The following NPL variants were observed in gnomAD, a reference collection of about 807,000 sequenced individuals.
NPL encodes N-acetylneuraminate pyruvate lyase.
In NPL, 32 loss-of-function variants were observed where a neutral mutation model predicts 41.1. The observed-to-expected ratio is 0.78, with a 90% CI of 0.59 to 1.05. The LOEUF is 1.05. Ranked by LOEUF, NPL falls within the 50% of genes least tolerant of loss-of-function variation. The probability of loss-of-function intolerance (pLI) is 0.00; values close to 1 mark genes in which losing one functional copy is unlikely to be tolerated. For synonymous variants in NPL, 128 were observed against 134.9 expected (o/e 0.95, Z 0.35); for missense variants, 321 against 378.4 (o/e 0.85, Z 1.26).
chr1:182,822,631 T>C (rs1667520355), intron 11 of NPL, among the ~76,000 whole-genome samples: 1 of 152,140 alleles, frequency 6.6e-6, no homozygotes, highest in African/African-American at 2.4e-5. Flanking sequence ...CAGGTCAGTC[T>C]TGTCCACCCT....
At chr1:182,818,985 C>T (rs950396958) in intron 10 of NPL, 126 bp downstream of exon 10, 4 of 864,990 alleles carry the variant, frequency 4.6e-6, no homozygotes, top group African/African-American at 1.7e-5. Flanking sequence ...CCACATTCTT[C>T]CAGTGAAAGG....
At chr1:182,806,790 G>A (rs1349999745) in intron 5 of NPL, among the ~76,000 whole-genome samples, 1 of 152,168 alleles carries the variant, frequency 6.6e-6, no homozygotes, top group Non-Finnish European at 1.5e-5. Context: ...GAACAAACAG[G>A]ATAGTATCAG....
rs1667393858 is a variant in NPL at position 182,818,412 on chromosome 1, T to TATATA, written c.458-129_458-128insATATA. 5.2e-6 allele frequency: 6 copies of TATATA among 1,143,400 alleles called. No homozygotes were observed. In the South Asian group the frequency reaches 7.5e-5, roughly 14 times the overall value. 70.8% of individuals were successfully genotyped at this position (1,143,400 alleles called of 1,614,324 possible). A position where few individuals can be genotyped will look rare whatever the true frequency, so the allele number is the denominator to read the frequency against. ...GGAGCTGCTAGTCAGGGACCAGTGA[T>TATATA]TATGCCTAGTCTGCAGTCAGTTCTG... On this transcript the variant is annotated intron_variant, in intron 8 of 12. Coordinates refer to ENST00000367553, the MANE Select transcript of NPL (RefSeq NM_030769.3).
Position 182,816,730 on chromosome 1 carries a change from C to T in NPL, c.381C>T (p.Phe127=), listed in dbSNP as rs1128759. The T allele has an allele frequency of 0.024, 38,275 of 1,612,980 alleles. 2,774 individuals carry two copies. In the African/African-American group the frequency reaches 0.25, roughly 11 times the overall value. Residue 127 remains phenylalanine, a synonymous_variant, in exon 8 of 13, where the codon TTC becomes TTT. Coordinates refer to ENST00000367553, the MANE Select transcript of NPL (RefSeq NM_030769.3). ...KPWTKDILIN[F]LKEVAAAAPA... is the part of the protein sequence containing the mutation. ...TTCTTTCAGATATCCTGATTAATTT[C>T]CTAAAGGAAGTGGCTGCTGCCGCCC...
At position 182,806,371 on chromosome 1, in the gene NPL, C is replaced by G. The variant is rs376049976; in HGVS notation, c.230+139C>G. 1.9e-6 allele frequency: 3 copies of G among 1,549,144 alleles called. No homozygotes were observed. The Admixed American group carries it at 5.9e-5, about 30-fold the overall frequency. On this transcript the variant is annotated intron_variant, in intron 5 of 12. Coordinates refer to ENST00000367553, the MANE Select transcript of NPL (RefSeq NM_030769.3). ...AGCTGGTGGGAAGATGAGCAGGGCC[C>G]CCGGGATCCTGGCTTCTTGGAGAAG... is the stretch of plus-strand genomic sequence containing the variant.
chr1:182,806,023 C>T, intron 4 of NPL, 122 bp from the exon 5 acceptor site: 2 of 1,118,160 alleles, frequency 1.8e-6, no homozygotes, highest in Non-Finnish European at 2.7e-6. Context: ...AAAATGGAAA[C>T]ATGGCATTTT....
At position 182,828,530 on chromosome 1, in the gene NPL, G is replaced by A. The variant is rs769417066; in HGVS notation, c.779-194G>A. The stretch of plus-strand genomic sequence containing the variant: ...TGATCAACTTTTAAAATTTTCCAGC[G>A]TTCTGTGTTTGAAGCAGGAAGAGGG... On this transcript the variant is annotated intron_variant, in intron 12 of 12. Transcript: ENST00000367553. The surrounding 1 kb of genome is among the most constrained non-coding windows in gnomAD (Gnocchi z 4.0). Among the ~76,000 whole-genome samples the A allele has an allele frequency of 1.3e-5, 2 of 152,028 alleles. No individual in the cohort carries two copies. The highest frequency in any genetic ancestry group is 2.4e-5 in the African/African-American group (1 of 41,384).
At position 182,829,284 on chromosome 1, in the gene NPL, T is replaced by C. The variant is rs1667708427; in HGVS notation, c.*376T>C. 14 of 1,188,064 alleles carry C rather than the reference T, an allele frequency of 1.2e-5. No individual in the cohort carries two copies. In the South Asian group the frequency reaches 2.3e-4, roughly 20 times the overall value. The allele number at this position is 1,188,064 out of a possible 1,614,324, so 73.6% of individuals were successfully genotyped here. On this transcript the variant is annotated 3_prime_UTR_variant, in exon 13 of 13. Transcript: ENST00000367553. ...TCTAATTTTAAACCACTATAATATG[T>C]CTTCATTTTAATAAATATTCATTTG... is the stretch of plus-strand genomic sequence containing the variant.
At chr1:182,810,190 T>C (rs1352156090) in intron 5 of NPL, among the ~76,000 whole-genome samples, 1 of 152,206 alleles carries the variant, frequency 6.6e-6, no homozygotes. Context: ...CTGGGAAGAC[T>C]GCATTCACAG....
intron 3 of NPL, among the ~76,000 whole-genome samples, chr1:182,799,805 T>C (rs1297313162): frequency 1.3e-5 from 2 of 149,064 alleles, no homozygotes; most frequent in Non-Finnish European, 3.0e-5. Context: ...TCCCCAGGAA[T>C]TGAAATTAAG....
intron 11 of NPL, among the ~76,000 whole-genome samples, chr1:182,825,346 T>TA (rs972010666): frequency 6.6e-6 from 1 of 152,204 alleles, no homozygotes; most frequent in African/African-American, 2.4e-5. Flanking sequence ...AAACAGCACT[T>TA]ATGGAAGTTG....
intron 3 of NPL, among the ~76,000 whole-genome samples, chr1:182,803,246 C>T (rs903199744): frequency 2.0e-5 from 3 of 152,078 alleles, no homozygotes; most frequent in Admixed American, 6.6e-5. Flanking sequence ...AGGGACAGGC[C>T]AGGCATGATG....
rs757663962 is a variant in NPL, at chr1:182,799,538, T to G, written c.69-4160T>G. Among the ~76,000 whole-genome samples, 9 of 151,866 alleles carry G rather than the reference T, an allele frequency of 5.9e-5. 1 individual carries two copies. Among genetic ancestry groups the G allele is most frequent in the Non-Finnish European group, 1.3e-4 (9 of 68,000 alleles). ...CATCTCCAGAGATATCCTGAGTGGG[T>G]TTTCTTTTTTTATTGTATGTACTTT... is the stretch of plus-strand genomic sequence containing the variant. On this transcript the variant is annotated intron_variant, in intron 3 of 12. Transcript: ENST00000367553.
chr1:182,792,793 A>G (rs1666552878), intron 2 of NPL, among the ~76,000 whole-genome samples: 2 of 152,256 alleles, frequency 1.3e-5, no homozygotes, highest in African/African-American at 2.4e-5. Context: ...TACTGAAAAC[A>G]GTCAGTGTTT....
intron 2 of NPL, among the ~76,000 whole-genome samples, chr1:182,792,910 A>G (rs540384599): frequency 2.0e-5 from 3 of 152,368 alleles, no homozygotes; most frequent in African/African-American, 7.2e-5. Flanking sequence ...ATGAACAATT[A>G]GAAGAGCAAA....
chr1:182,818,028 G>T (rs975436526), intron 8 of NPL, among the ~76,000 whole-genome samples: 2 of 152,138 alleles, frequency 1.3e-5, no homozygotes, highest in East Asian at 3.9e-4. Context: ...TACATGGTTG[G>T]TTCCCCTGGC....
chr1:182,818,945 A>G, intron 10 of NPL, 86 bp downstream of exon 10: 1 of 1,097,194 alleles, frequency 9.1e-7, no homozygotes, highest in South Asian at 1.2e-5. Context: ...TTGCATGTGT[A>G]TCCTTTCTAA....
chr1:182,799,148 CT>C (rs960417480), intron 3 of NPL, among the ~76,000 whole-genome samples: 1 of 152,174 alleles, frequency 6.6e-6, no homozygotes, highest in African/African-American at 2.4e-5. Context: ...TTCTATTACC[CT>C]TTTACCGTAA....
rs1332665255 is a variant in NPL, at chr1:182,829,486, C to T, written c.*578C>T. On this transcript the variant is annotated 3_prime_UTR_variant, in exon 13 of 13. Transcript: ENST00000367553. ...CACCACTTTTCGCTCTTTAAAAACA[C>T]TGGGTCAGGTGAGGACTTGTTTCAG... 1.4e-6 allele frequency: 2 copies of T among 1,472,300 alleles called. No individual in the cohort carries two copies. The highest frequency in any genetic ancestry group is 2.9e-5 in the African/African-American group (2 of 70,060). The allele number at this position is 1,472,300 out of a possible 1,614,324, so 91.2% of individuals were successfully genotyped here.
Sources: gnomAD v4.1 joint callset for allele counts (sites outside exome capture counted in the v4.1 genomes callset) on GRCh38, gnomAD v4.1.1 for gene constraint, Gnocchi (gnomAD v3.1) non-coding constraint, MANE v1.5 for transcripts, NCBI Gene and HGNC (gene_info 2026-07-23, HGNC 2026-07-21) for gene names.